Variants in AHNAK observed in about 807,000 individuals in gnomAD.
AHNAK encodes the protein AHNAK nucleoprotein, also known as neuroblast differentiation-associated protein AHNAK.
AHNAK carries 23 observed loss-of-function variants against 37.8 expected under a neutral mutation model. The ratio of observed to expected loss-of-function variants is 0.61; its 90% CI spans 0.44 to 0.86. The LOEUF is 0.86. Ranked by LOEUF, AHNAK falls within the 40% of genes least tolerant of loss-of-function variation. The probability of loss-of-function intolerance (pLI) is 0.00; values close to 1 mark genes in which losing one functional copy is unlikely to be tolerated. For synonymous variants in AHNAK, 2,481 were observed against 2,636.3 expected (o/e 0.94, Z 1.80); for missense variants, 7,411 against 7,319.4 (o/e 1.01, Z -0.46).
intron 1 of AHNAK, among the ~76,000 whole-genome samples, chr11:62,542,593 C>T (rs1250045532): frequency 6.6e-6 from 1 of 152,200 alleles, no homozygotes; most frequent in East Asian, 1.9e-4. Flanking sequence ...TCCCATGCTA[C>T]AGTGAGCTTG....
chr11:62,450,196 T>C (rs1938506074), intron 5 of AHNAK, among the ~76,000 whole-genome samples: 1 of 151,886 alleles, frequency 6.6e-6, no homozygotes, highest in Non-Finnish European at 1.5e-5. Flanking sequence ...ACTCTTGTCA[T>C]CCAGGCTGCA....
At position 62,531,681 on chromosome 11, in the gene AHNAK, C is replaced by T. The variant is rs761572634; in HGVS notation, c.2736G>A (p.Lys912=). Residue 912 remains lysine (K), a synonymous_variant, in exon 5 of 5, where the codon AAG becomes AAA. Transcript: ENST00000378024. The part of the protein sequence containing the change: ...PKADVDISGP[K]VGVEVPDVNI... ...TCACATCTGGAACTTCAACACCCACCTTGGGTCCTGAGATGTCCACATCAG... is the reference window on the plus strand; with the variant it reads ...TCACATCTGGAACTTCAACACCCACTTTGGGTCCTGAGATGTCCACATCAG... 1.9e-6 allele frequency: 3 copies of T among 1,614,108 alleles called. No homozygotes were observed. The highest frequency in any genetic ancestry group is 2.2e-5 in the East Asian group (1 of 44,874).
chr11:62,466,315 G>A (rs61895397), intron 5 of AHNAK, among the ~76,000 whole-genome samples: 2 of 151,698 alleles, frequency 1.3e-5, no homozygotes, highest in African/African-American at 2.4e-5. Flanking sequence ...GCAAGACTCT[G>A]TCTCAAAAAA....
rs12801348 is a variant in AHNAK, at chr11:62,520,659, T to C, written c.13758A>G (p.Leu4586=). 19 of 1,613,898 alleles carry C rather than the reference T, an allele frequency of 1.2e-5. No individual in the cohort carries two copies. Among genetic ancestry groups the C allele is most frequent in the Non-Finnish European group, 1.4e-5 (17 of 1,180,002 alleles). ...LKGPKFKMPD[L]HLKAPKISMP... is the part of the protein sequence containing the mutation. ...TAGAGATCTTCGGTGCCTTGAGGTG[T>C]AAGTCAGGCATTTTAAATTTGGGGC... The change falls in exon 5 of 5, where the codon TTA becomes TTG. Residue 4586 remains leucine, a synonymous_variant. Transcript: ENST00000378024.
At chr11:62,456,345 C>G (rs1201836735) in intron 5 of AHNAK, among the ~76,000 whole-genome samples, 3 of 152,204 alleles carry the variant, frequency 2.0e-5, no homozygotes, top group Non-Finnish European at 4.4e-5. Context: ...TAAAGGTTAA[C>G]CTTAGTACAG....
chr11:62,533,687 G>C lies in AHNAK; in HGVS notation c.730C>G (p.Leu244Val), dbSNP rs931819953. ...PELQGAGHSK[L>V]QVTMPGIKVG... ...TTTATCCCAGGCATGGTGACCTGGAGCTTCGAGTGGCCAGCACCTTGGAGC... is the reference window on the plus strand; with the variant it reads ...TTTATCCCAGGCATGGTGACCTGGACCTTCGAGTGGCCAGCACCTTGGAGC... Residue 244 changes from leucine to valine, a missense_variant, in exon 5 of 5, where the codon CTC becomes GTC. Coordinates refer to ENST00000378024, the MANE Select transcript of AHNAK (RefSeq NM_001620.3). 6.2e-7 allele frequency: 1 copy of C among 1,614,022 alleles called. No individual in the cohort carries two copies. The highest frequency in any genetic ancestry group is 1.3e-5 in the African/African-American group (1 of 74,910).
chr11:62,444,837 T>C (rs1938392126), intron 5 of AHNAK, among the ~76,000 whole-genome samples: 1 of 152,172 alleles, frequency 6.6e-6, no homozygotes, highest in Admixed American at 6.5e-5. Flanking sequence ...AGCCTTCCCA[T>C]GAGGGAGAAA....
In AHNAK at chr11:62,486,707, C is replaced by T. The variant is rs941076338; in HGVS notation, c.442+5025G>A. Among the ~76,000 whole-genome samples, 4 of 151,564 alleles carry T rather than the reference C, an allele frequency of 2.6e-5. No individual in the cohort carries two copies. The Admixed American group carries it at 2.6e-4, about 10-fold the overall frequency. On this transcript the variant is annotated intron_variant, in intron 5 of 5. Coordinates refer to the AHNAK transcript ENST00000257247. ...GTACTGTATACCACTGAGCTGTACACCTAAAAATGGTTAAAATGGTCAATT... is the reference window on the plus strand; with the variant it reads ...GTACTGTATACCACTGAGCTGTACATCTAAAAATGGTTAAAATGGTCAATT...
intron 1 of AHNAK, among the ~76,000 whole-genome samples, chr11:62,545,056 C>G (rs1379916937): frequency 6.6e-6 from 1 of 152,226 alleles, no homozygotes; most frequent in Non-Finnish European, 1.5e-5. Context: ...GTAGATATCT[C>G]GGTCCCTTTT....
intron 3 of AHNAK, 39 bp downstream of exon 3, chr11:62,535,906 C>G: frequency 6.3e-7 from 1 of 1,580,264 alleles, no homozygotes; most frequent in Admixed American, 1.7e-5. Flanking sequence ...ACCGACCCCC[C>G]AACCACCAGC....
chr11:62,478,593 CA>C (rs1939197051), intron 5 of AHNAK, among the ~76,000 whole-genome samples: 1 of 151,694 alleles, frequency 6.6e-6, no homozygotes, highest in African/African-American at 2.4e-5. Flanking sequence ...ACAACAACGA[CA>C]AAAATTAGCT....
At chr11:62,544,189 G>C (rs890891566) in intron 1 of AHNAK, among the ~76,000 whole-genome samples, 1 of 152,144 alleles carries the variant, frequency 6.6e-6, no homozygotes, top group African/African-American at 2.4e-5. Flanking sequence ...GACTTCCTGA[G>C]GGCTAAGATG....
intron 5 of AHNAK, among the ~76,000 whole-genome samples, chr11:62,438,708 T>C (rs1565194225): frequency 6.6e-6 from 1 of 152,190 alleles, no homozygotes; most frequent in Non-Finnish European, 1.5e-5. Flanking sequence ...TAGTGCTGTT[T>C]GCATTCTGTT....
In AHNAK at chr11:62,517,406, G is replaced by A. The variant is rs371825003; in HGVS notation, c.17011C>T (p.Arg5671Cys). 1.3e-5 allele frequency: 21 copies of A among 1,614,028 alleles called. No individual in the cohort carries two copies. The highest frequency in any genetic ancestry group is 6.7e-5 in the East Asian group (3 of 44,894). The change falls in exon 5 of 5, where the codon CGT becomes TGT. Residue 5671 changes from arginine to cysteine, a missense_variant. By Grantham distance (180) the Arg-to-Cys change is radical. Coordinates refer to ENST00000378024, the MANE Select transcript of AHNAK (RefSeq NM_001620.3). Reference sequence around the variant, plus strand: ...CCCATTTCTCTGCCAACCAGCTCACGGCCAGAGAAGGTAAATTTGGGGATC... The same window carrying A: ...CCCATTTCTCTGCCAACCAGCTCACAGCCAGAGAAGGTAAATTTGGGGATC... ...MKIPKFTFSG[R>C]ELVGREMGVD...
intron 5 of AHNAK, among the ~76,000 whole-genome samples, chr11:62,438,895 C>T (rs528436369): frequency 1.2e-4 from 19 of 152,060 alleles, no homozygotes; most frequent in Non-Finnish European, 1.9e-4. Flanking sequence ...TGAGAATGCT[C>T]ATATGATAAT....
At position 62,520,038 on chromosome 11, in the gene AHNAK, G is replaced by A. The variant is rs1272978572; in HGVS notation, c.14379C>T (p.Phe4793=). 1.9e-6 allele frequency: 3 copies of A among 1,613,384 alleles called. No homozygotes were observed. The highest frequency in any genetic ancestry group is 1.3e-5 in the African/African-American group (1 of 74,652). ...CATCCACATCTGGACCTTCTCCTTT[G>A]AAGCCAGGCATGCTGAATTTGGGCA... The part of the protein sequence containing the change: ...VKMPKFSMPG[F]KGEGPDVDVS... Residue 4793 remains phenylalanine (F), a synonymous_variant, in exon 5 of 5, where the codon TTC becomes TTT. Transcript: ENST00000378024.
intron 4 of AHNAK, among the ~76,000 whole-genome samples, chr11:62,506,257 G>A (rs1036543743): frequency 4.7e-5 from 7 of 149,786 alleles, no homozygotes; most frequent in African/African-American, 1.5e-4. Context: ...AAAAAAAAAA[G>A]AGCCAGTGGT....
rs1329931383 is a variant in AHNAK, at chr11:62,532,152, G to A, written c.2265C>T (p.Pro755=). 1 of 1,613,596 alleles carries A rather than the reference G, an allele frequency of 6.2e-7. No individual in the cohort carries two copies. The highest frequency in any genetic ancestry group is 8.5e-7 in the Non-Finnish European group (1 of 1,179,938). ...WHLKMPKMKM[P]KFSVPGFKAE... The stretch of plus-strand genomic sequence containing the variant: ...CTTTGAACCCTGGCACACTGAATTT[G>A]GGCATTTTCATCTTGGGCATCTTCA... The change falls in exon 5 of 5, where the codon CCC becomes CCT. Residue 755 remains proline (P), a synonymous_variant. Transcript: ENST00000378024.
intron 5 of AHNAK, among the ~76,000 whole-genome samples, chr11:62,479,834 A>G (rs145321470): frequency 6.6e-6 from 1 of 152,322 alleles, no homozygotes; most frequent in East Asian, 1.9e-4. Flanking sequence ...TGCCTGTTTA[A>G]CTGTGAAACT....
Sources: allele counts gnomAD v4.1 joint callset (sites outside exome capture counted in the v4.1 genomes callset), GRCh38; gene constraint gnomAD v4.1.1; transcripts MANE v1.5; gene names NCBI Gene and HGNC (gene_info 2026-07-23, HGNC 2026-07-21).